Variants in GPR39 observed in about 807,000 individuals in gnomAD.
GPR39 encodes the protein zinc sensing receptor.
In GPR39, 23 loss-of-function variants were observed where a neutral mutation model predicts 18.4. The ratio of observed to expected loss-of-function variants is 1.25; its 90% confidence interval spans 0.90 to 1.77. The LOEUF (loss-of-function observed/expected upper bound fraction) is 1.77, where lower values mean the gene tolerates loss of function less well. GPR39 is among the 40% of genes most tolerant of loss of function. The pLI is 0.00. For synonymous variants in GPR39, 280 were observed against 257.9 expected, an observed-to-expected ratio of 1.09 and a Z score of -0.82; for missense variants, 647 against 602.4, an observed-to-expected ratio of 1.07 and a Z score of -0.78.
intron 1 of GPR39, among the ~76,000 whole-genome samples, chr2:132,565,906 G>T (rs1680342625): frequency 6.7e-6 from 1 of 149,198 alleles, no homozygotes; most frequent in Non-Finnish European, 1.5e-5. Context: ...AGTCATTTGG[G>T]TATATACCCA....
At chr2:132,486,943 A>C (rs1241008341) in intron 1 of GPR39, among the ~76,000 whole-genome samples, 1 of 152,198 alleles carries the variant, frequency 6.6e-6, no homozygotes, top group Admixed American at 6.5e-5. Flanking sequence ...TTTCTTACTA[A>C]GCTTAATCAT....
intron 1 of GPR39, among the ~76,000 whole-genome samples, chr2:132,616,393 AG>A (rs1390256594): frequency 6.6e-6 from 1 of 152,162 alleles, no homozygotes; most frequent in African/African-American, 2.4e-5. Context: ...TCACCATGCA[AG>A]GTAATGCTAT....
At chr2:132,561,609 CACACACAGAT>C (rs1413912200) in intron 1 of GPR39, among the ~76,000 whole-genome samples, 1 of 133,628 alleles carries the variant, frequency 7.5e-6, no homozygotes, top group Admixed American at 7.7e-5. Flanking sequence ...CACACACACA[CACACACAGAT>C]AAGGAATTGG....
chr2:132,519,684 G>C (rs6430365), intron 1 of GPR39, among the ~76,000 whole-genome samples: 3 of 151,850 alleles, frequency 2.0e-5, no homozygotes, highest in Non-Finnish European at 4.4e-5. Flanking sequence ...AAGAACAGCC[G>C]CTGATATTAC....
Position 132,539,278 on chromosome 2 carries a change from T to G in GPR39, c.857-105823T>G, listed in dbSNP as rs1679817637. On this transcript the variant is annotated intron_variant, in intron 1 of 1. Transcript: ENST00000329321. ...GGTAGGTGGGACAGTCTCTCACGGC[T>G]TCCCTTGGCTGCGGGAGGGAGGTCA... Among the ~76,000 whole-genome samples the G allele has an allele frequency of 2.6e-5, 4 of 152,292 alleles. No individual in the cohort carries two copies. The South Asian group carries it at 8.3e-4, about 32-fold the overall frequency.
chr2:132,427,947 T>A (rs1680158447), intron 1 of GPR39, among the ~76,000 whole-genome samples: 1 of 146,836 alleles, frequency 6.8e-6, no homozygotes, highest in African/African-American at 2.5e-5. Flanking sequence ...GTTATATATA[T>A]TATATATAGT....
At chr2:132,596,913 T>C (rs146055349) in intron 1 of GPR39, among the ~76,000 whole-genome samples, 1 of 152,346 alleles carries the variant, frequency 6.6e-6, no homozygotes, top group East Asian at 1.9e-4. Flanking sequence ...ACATGTTTGT[T>C]GTGCAAAGCC....
At chr2:132,641,157 C>G (rs1361700884) in intron 1 of GPR39, among the ~76,000 whole-genome samples, 1 of 152,220 alleles carries the variant, frequency 6.6e-6, no homozygotes, top group African/African-American at 2.4e-5. Flanking sequence ...TCTAGGATAG[C>G]TAGGCAAAGT....
At chr2:132,519,788 T>C (rs1679391368) in intron 1 of GPR39, among the ~76,000 whole-genome samples, 1 of 152,168 alleles carries the variant, frequency 6.6e-6, no homozygotes, top group African/African-American at 2.4e-5. Flanking sequence ...CACAATCTCA[T>C]CATTGCTATT....
chr2:132,643,667 G>A (rs565843237), intron 1 of GPR39, among the ~76,000 whole-genome samples: 12 of 152,102 alleles, frequency 7.9e-5, no homozygotes, highest in African/African-American at 2.4e-4. Flanking sequence ...AGGTGTGTAT[G>A]TACCACCATG....
intron 1 of GPR39, among the ~76,000 whole-genome samples, chr2:132,577,075 G>C (rs1442118176): frequency 6.6e-6 from 1 of 151,668 alleles, no homozygotes. Context: ...TGTTTTTGGG[G>C]CTGGGCAAGG....
intron 1 of GPR39, among the ~76,000 whole-genome samples, chr2:132,457,802 C>G (rs1271065551): frequency 1.3e-5 from 2 of 152,210 alleles, no homozygotes; most frequent in Non-Finnish European, 2.9e-5. Flanking sequence ...TTTGAGCTTC[C>G]CAGCCACTTT....
At chr2:132,557,135 A>G (rs1680167693) in intron 1 of GPR39, among the ~76,000 whole-genome samples, 1 of 152,152 alleles carries the variant, frequency 6.6e-6, no homozygotes, top group African/African-American at 2.4e-5. Context: ...CCTGGCCAAC[A>G]TGGTGAAACC....
chr2:132,586,404 G>C lies in GPR39; in HGVS notation c.857-58697G>C, dbSNP rs931557711. Among the ~76,000 whole-genome samples, 4 of 152,168 alleles carry C rather than the reference G, an allele frequency of 2.6e-5. 1 individual carries two copies. Among genetic ancestry groups the C allele is most frequent in the African/African-American group, 9.7e-5 (4 of 41,434 alleles). On this transcript the variant is annotated intron_variant, in intron 1 of 1. Transcript: ENST00000329321. ...GCTTCTGAGTTTGGAAAGGCAAGGC[G>C]TGCTGGCTGACCAAACGGTTCCCTT...
intron 1 of GPR39, among the ~76,000 whole-genome samples, chr2:132,498,623 A>C (rs1470380364): frequency 6.6e-6 from 1 of 152,126 alleles, no homozygotes; most frequent in African/African-American, 2.4e-5. Context: ...CGGTTGACCT[A>C]CTTTTAGTTC....
chr2:132,522,084 T>A (rs2104767629), intron 1 of GPR39, among the ~76,000 whole-genome samples: 1 of 152,294 alleles, frequency 6.6e-6, no homozygotes, highest in East Asian at 1.9e-4. Context: ...TACTTCTAGA[T>A]CCTTCCCTGT....
Position 132,630,502 on chromosome 2 carries a change from T to G in GPR39, c.857-14599T>G, listed in dbSNP as rs141174557. On this transcript the variant is annotated intron_variant, in intron 1 of 1. Coordinates refer to ENST00000329321, the MANE Select transcript of GPR39 (RefSeq NM_001508.3). ...TGGAGGAATAAGCCTGGTTAGATCC[T>G]GTAGGACTTGTTGAGGATTCTGGAC... 4.2e-4 allele frequency among the ~76,000 whole-genome samples: 64 copies of G among 152,308 alleles called. 1 individual carries two copies. The highest frequency in any genetic ancestry group is 1.4e-3 in the African/African-American group (58 of 41,560).
chr2:132,573,017 A>G (rs1680467384), intron 1 of GPR39, among the ~76,000 whole-genome samples: 1 of 152,142 alleles, frequency 6.6e-6, no homozygotes, highest in Non-Finnish European at 1.5e-5. Context: ...ATGGGTGCCC[A>G]TTGTGGAAGT....
At chr2:132,616,063 T>C (rs1681329761) in intron 1 of GPR39, among the ~76,000 whole-genome samples, 1 of 152,002 alleles carries the variant, frequency 6.6e-6, no homozygotes, top group Non-Finnish European at 1.5e-5. Context: ...TTCCCTGTCA[T>C]CTTCCTACTG....
Sources: allele counts gnomAD v4.1 joint callset (sites outside exome capture counted in the v4.1 genomes callset), GRCh38; gene constraint gnomAD v4.1.1; transcripts MANE v1.5; gene names NCBI Gene and HGNC (gene_info 2026-07-23, HGNC 2026-07-21).